Variants in TRPM2 observed in about 807,000 individuals in gnomAD.
TRPM2 encodes transient receptor potential cation channel subfamily M member 2, also known as estrogen-responsive element-associated gene 1 protein.
A neutral mutation model predicts 174.0 loss-of-function variants in TRPM2; 161 were observed. The observed-to-expected ratio is 0.93, with a 90% CI of 0.81 to 1.05. TRPM2 has a LOEUF of 1.05. Ranked by LOEUF, TRPM2 falls within the 50% of genes least tolerant of loss-of-function variation. TRPM2 has a pLI of 0.00. For synonymous variants in TRPM2, 954 were observed against 861.3 expected (o/e 1.11, Z -1.88); for missense variants, 2,057 against 2,038.0 (o/e 1.01, Z -0.18).
intron 2 of TRPM2, among the ~76,000 whole-genome samples, chr21:44,356,555 G>A (rs964368359): frequency 6.7e-6 from 1 of 148,246 alleles, no homozygotes; most frequent in African/African-American, 2.5e-5. Context: ...TTTTTGAGAC[G>A]GGGTCTCGCT....
chr21:44,377,500 C>T (rs774623237), intron 6 of TRPM2, among the ~76,000 whole-genome samples: 28 of 152,188 alleles, frequency 1.8e-4, no homozygotes, highest in African/African-American at 5.8e-4. Context: ...CTTTAAACGG[C>T]GACTCAGCAC....
chr21:44,431,896 C>G (rs567197621), intron 27 of TRPM2, among the ~76,000 whole-genome samples: 2 of 152,296 alleles, frequency 1.3e-5, no homozygotes, highest in Non-Finnish European at 2.9e-5. Context: ...TGGCCCGTCT[C>G]TACCCTGGGT....
rs146836003 is a variant in TRPM2, at chr21:44,417,533, T to C, written c.3147-394T>C. Among the ~76,000 whole-genome samples, 861 of 105,588 alleles carry C rather than the reference T, an allele frequency of 8.2e-3. 15 individuals carry two copies. The highest frequency in any genetic ancestry group is 0.012 in the Non-Finnish European group (626 of 53,570). 69.3% of individuals were successfully genotyped at this position (105,588 alleles called of 152,430 possible). A position where few individuals can be genotyped will look rare whatever the true frequency, so the allele number is the denominator to read the frequency against. ...GGCTCTGCTCTCTGTGGCATCATAG[T>C]GGGCACGTGGGCATGGCTCTGCTCT... is the stretch of plus-strand genomic sequence containing the variant. On this transcript the variant is annotated intron_variant, in intron 20 of 31. Transcript: ENST00000397928.
At chr21:44,415,920 A>T (rs987123180) in intron 20 of TRPM2, 4 of 152,004 alleles carry the variant, frequency 2.6e-5, no homozygotes, top group Non-Finnish European at 5.9e-5. Flanking sequence ...AATGCTGAGG[A>T]CCTCACACCA....
chr21:44,402,006 C>A, intron 16 of TRPM2, 109 bp downstream of exon 16: 1 of 1,271,468 alleles, frequency 7.9e-7, no homozygotes, highest in Non-Finnish European at 1.1e-6. Flanking sequence ...TGCCCAGCTC[C>A]CTGCAAGCTG....
At chr21:44,373,539 T>TCTGCATTGTATGCGAC (rs2048602925) in intron 5 of TRPM2, among the ~76,000 whole-genome samples, 3 of 145,686 alleles carry the variant, frequency 2.1e-5, no homozygotes, top group African/African-American at 7.7e-5. Context: ...CTTTTCATTT[T>TCTGCATTGTATGCGAC]CTGCATTATA....
At chr21:44,368,994 C>T (rs538012370) in intron 4 of TRPM2, 183 bp from the exon 5 acceptor site, 9 of 576,068 alleles carry the variant, frequency 1.6e-5, no homozygotes, top group African/African-American at 1.3e-4. Context: ...GTTCCCACCC[C>T]ACCTGAGCGC....
Position 44,387,695 on chromosome 21 carries a change from C to A in TRPM2, c.1319-3209C>A, listed in dbSNP as rs1343735399. On this transcript the variant is annotated intron_variant, in intron 9 of 31. Transcript: ENST00000397928. The stretch of plus-strand genomic sequence containing the variant: ...GAATATATAGAGAACTCCTATAACT[C>A]AACAATAAAAAAAAAACACAATTCA... 2.6e-5 allele frequency among the ~76,000 whole-genome samples: 4 copies of A among 151,418 alleles called. No individual in the cohort carries two copies. The East Asian group carries it at 7.7e-4, about 29-fold the overall frequency.
At chr21:44,360,219 G>C (rs1032893969) in intron 2 of TRPM2, among the ~76,000 whole-genome samples, 9 of 152,314 alleles carry the variant, frequency 5.9e-5, no homozygotes. Flanking sequence ...AGAAAAAAGA[G>C]GGAAGTTAGC....
chr21:44,406,495 T>G (rs2049881351), intron 18 of TRPM2, 99 bp from the exon 19 acceptor site: 1 of 1,386,420 alleles, frequency 7.2e-7, no homozygotes, highest in African/African-American at 1.4e-5. Flanking sequence ...GTCTGTGCTG[T>G]GAGTGGCAGT....
chr21:44,402,830 G>T (rs962959373), intron 16 of TRPM2, among the ~76,000 whole-genome samples: 4 of 152,190 alleles, frequency 2.6e-5, no homozygotes, highest in African/African-American at 9.7e-5. Flanking sequence ...AACCCTCAGG[G>T]CAGTGGTGAG....
chr21:44,412,044 G>A (rs551114191), intron 19 of TRPM2, among the ~76,000 whole-genome samples: 2 of 152,256 alleles, frequency 1.3e-5, no homozygotes, highest in Non-Finnish European at 2.9e-5. Flanking sequence ...AAGGTTATTG[G>A]TCTGTGGTTT....
chr21:44,441,209 C>T (rs570596868), intron 31 of TRPM2, among the ~76,000 whole-genome samples: 26 of 151,278 alleles, frequency 1.7e-4, no homozygotes, highest in African/African-American at 4.9e-4. Context: ...CGGGGAGCCA[C>T]CTCAGGTGGC....
At chr21:44,407,614 TC>T (rs2049950998) in intron 19 of TRPM2, among the ~76,000 whole-genome samples, 1 of 151,734 alleles carries the variant, frequency 6.6e-6, no homozygotes, top group Non-Finnish European at 1.5e-5. Context: ...CCCGTTCCCC[TC>T]CCCTCAGCCA....
At chr21:44,411,277 A>G (rs1429080907) in intron 19 of TRPM2, among the ~76,000 whole-genome samples, 1 of 152,030 alleles carries the variant, frequency 6.6e-6, no homozygotes, top group Admixed American at 6.6e-5. Flanking sequence ...TCTCTCAATA[A>G]TGTTTTATAG....
At chr21:44,353,555 C>A, upstream of TRPM2, 1 of 1,058,362 alleles carries the variant, frequency 9.4e-7, no homozygotes, top group Non-Finnish European at 1.3e-6. Flanking sequence ...GTGGCCAGGT[C>A]CTCTCAGAAC....
rs1048001105 is a variant in TRPM2 at position 44,426,477 on chromosome 21, C to T, written c.3796-183C>T. 1.3e-4 allele frequency among the ~76,000 whole-genome samples: 20 copies of T among 152,094 alleles called. 1 individual carries two copies. Among genetic ancestry groups the T allele is most frequent in the East Asian group, 1.2e-3 (6 of 5,090 alleles). On this transcript the variant is annotated intron_variant, in intron 25 of 31. Transcript: ENST00000397928. ...GGTGGGGGTCCCTGATCCCAGCCCC[C>T]GGCCCTGCCCAGCCCCCAGCTCTGC...
At chr21:44,368,728 G>T (rs373744757) in intron 4 of TRPM2, among the ~76,000 whole-genome samples, 1 of 152,178 alleles carries the variant, frequency 6.6e-6, no homozygotes, top group Non-Finnish European at 1.5e-5. Flanking sequence ...CACCGTGCCC[G>T]GCCGGAGGTG....
At position 44,354,177 on chromosome 21, in the gene TRPM2, A is replaced by G. The variant is rs2047993082; in HGVS notation, c.165+312A>G. Among the ~76,000 whole-genome samples the G allele has an allele frequency of 6.6e-6, 1 of 152,142 alleles. No homozygotes were observed. Among genetic ancestry groups the G allele is most frequent in the African/African-American group, 2.4e-5 (1 of 41,410 alleles). On this transcript the variant is annotated intron_variant, in intron 1 of 31. Coordinates refer to ENST00000397928, the MANE Select transcript of TRPM2 (RefSeq NM_003307.4). This position sits in a 1 kb window ranked among gnomAD's most constrained non-coding sequence, Gnocchi z 4.3. ...GTTGCATAATGATTTCACATCCTTT[A>G]TCCGATTGGGAGGGCCTGGGCCTGG...
Sources: gnomAD v4.1 joint callset for allele counts (sites outside exome capture counted in the v4.1 genomes callset) on GRCh38, gnomAD v4.1.1 for gene constraint, Gnocchi (gnomAD v3.1) non-coding constraint, MANE v1.5 for transcripts, NCBI Gene and HGNC (gene_info 2026-07-23, HGNC 2026-07-21) for gene names.